Variants in ATP8A2 observed in about 807,000 individuals in gnomAD.
ATP8A2 encodes the protein phospholipid-transporting ATPase IB.
ATP8A2 carries 100 observed loss-of-function variants against 165.6 expected under a neutral mutation model. The observed-to-expected ratio is 0.60, with a 90% confidence interval of 0.51 to 0.71. The LOEUF is 0.71. ATP8A2 is among the 30% of genes least tolerant of loss of function. ATP8A2 has a pLI of 0.00. For synonymous variants in ATP8A2, 543 were observed against 548.8 expected (o/e 0.99, Z 0.15); for missense variants, 1,227 against 1,479.5 (o/e 0.83, Z 2.80).
Position 25,968,597 on chromosome 13 carries a change from A to G in ATP8A2, c.3295A>G (p.Thr1099Ala). The G allele has an allele frequency of 6.2e-7, 1 of 1,613,754 alleles. No homozygotes were observed. Among genetic ancestry groups the G allele is most frequent in the Non-Finnish European group, 8.5e-7 (1 of 1,179,954 alleles). ...CAGAGCCAAGCACACCTGCAAAAAG[A>G]CATTGCTGGAGGAGGTGCAGGAGCT... ...WRAAKHTCKK[T>A]LLEEVQELET... Residue 1099 changes from threonine (T) to alanine (A), a missense_variant, in exon 35 of 37, where the codon ACA becomes GCA. Thr to Ala is a moderately conservative substitution (Grantham distance 58). This residue lies in a region of ATP8A2 where 260 missense variants were observed against 245.1 expected (regional missense o/e 1.06). Coordinates refer to ENST00000381655, the MANE Select transcript of ATP8A2 (RefSeq NM_016529.6).
chr13:25,554,012 T>C, intron 12 of ATP8A2, 92 bp downstream of exon 12: 1 of 1,359,040 alleles, frequency 7.4e-7, no homozygotes, highest in Non-Finnish European at 1.0e-6. Flanking sequence ...AAGAACTATA[T>C]TCATTTACCA....
chr13:25,842,061 C>A (rs191774777), intron 30 of ATP8A2, among the ~76,000 whole-genome samples: 1 of 152,134 alleles, frequency 6.6e-6, no homozygotes, highest in African/African-American at 2.4e-5. Flanking sequence ...ATGAGCTTTG[C>A]GGGCTGCATT....
intron 35 of ATP8A2, among the ~76,000 whole-genome samples, chr13:25,990,261 T>TAAAAAAAAAAAA (rs3056351): frequency 9.2e-6 from 1 of 108,370 alleles, no homozygotes; most frequent in Non-Finnish European, 1.8e-5. Context: ...CATGTAACTG[T>TAAAAAAAAAAAA]AAAAAAAAAA....
chr13:25,998,298 G>C (rs372965433), intron 35 of ATP8A2, among the ~76,000 whole-genome samples: 174 of 152,292 alleles, frequency 1.1e-3, no homozygotes, highest in African/African-American at 4.0e-3. Context: ...GGCTGGCAGG[G>C]ATGAAAGTCA....
intron 24 of ATP8A2, among the ~76,000 whole-genome samples, chr13:25,608,144 G>A (rs2040566575): frequency 6.6e-6 from 1 of 152,174 alleles, no homozygotes; most frequent in Admixed American, 6.5e-5. Context: ...TATACAAGAA[G>A]CATGGCACCA....
chr13:25,604,925 A>G (rs1011812969), intron 24 of ATP8A2, among the ~76,000 whole-genome samples: 2 of 152,212 alleles, frequency 1.3e-5, no homozygotes, highest in Admixed American at 6.5e-5. Flanking sequence ...ACAGAGAGAG[A>G]CAGGCATGCA....
In ATP8A2 at chr13:25,772,587, T is replaced by A. The variant is rs932898318; in HGVS notation, c.2569-2262T>A. On this transcript the variant is annotated intron_variant, in intron 26 of 36. Transcript: ENST00000381655. The stretch of plus-strand genomic sequence containing the variant: ...CTTCCCCTCACCTCCTGGAAGAACA[T>A]GCTGAGCTGGGACTCCACCTAGGAT... Among the ~76,000 whole-genome samples the A allele has an allele frequency of 1.5e-4, 23 of 152,056 alleles. 1 individual carries two copies. The highest frequency in any genetic ancestry group is 2.6e-4 in the Non-Finnish European group (18 of 67,998).
intron 2 of ATP8A2, among the ~76,000 whole-genome samples, chr13:25,478,334 A>G (rs1208411411): frequency 6.6e-6 from 1 of 152,184 alleles, no homozygotes; most frequent in African/African-American, 2.4e-5. Context: ...AGAAAGTTGC[A>G]TCTAAGTGTT....
intron 25 of ATP8A2, among the ~76,000 whole-genome samples, chr13:25,715,927 A>C (rs1052405442): frequency 3.9e-5 from 6 of 151,908 alleles, no homozygotes; most frequent in Non-Finnish European, 7.4e-5. Flanking sequence ...CATACATTAC[A>C]CCCCATACAT....
chr13:25,583,169 A>G (rs2039822306), intron 23 of ATP8A2, among the ~76,000 whole-genome samples: 1 of 152,226 alleles, frequency 6.6e-6, no homozygotes, highest in Non-Finnish European at 1.5e-5. Flanking sequence ...ATTTTTACAA[A>G]TGAAGAATAA....
chr13:25,647,187 C>T (rs78527618), intron 24 of ATP8A2, among the ~76,000 whole-genome samples: 5,257 of 152,290 alleles, frequency 0.035, 158 homozygotes, highest in East Asian at 0.13. Context: ...CTGAATATAG[C>T]TCTGTATTAC....
At chr13:25,944,249 A>G (rs1282407855) in intron 33 of ATP8A2, among the ~76,000 whole-genome samples, 2 of 152,218 alleles carry the variant, frequency 1.3e-5, no homozygotes, top group Non-Finnish European at 2.9e-5. Context: ...GCTCACGCCC[A>G]TAATCCCAGC....
chr13:25,678,382 G>T lies in ATP8A2; in HGVS notation c.2212-20791G>T, dbSNP rs79684596. ...CAGCAGGTGGAGGATATGGCCGGGA[G>T]TATTGCTGAGTTTATAGGATTAAAA... On this transcript the variant is annotated intron_variant, in intron 24 of 36. Transcript: ENST00000381655. Among the ~76,000 whole-genome samples, 2,938 of 151,548 alleles carry T rather than the reference G, an allele frequency of 0.019. 201 individuals carry two copies. In the East Asian group the frequency reaches 0.24, roughly 12 times the overall value.
rs1437352719 is a variant in ATP8A2 at position 26,013,968 on chromosome 13, G to A, written c.3469+1346G>A. ...GGGAGGTGGGTAATGCCACCCCAAG[G>A]ACACAAAGCAGAGGCTCAGGTCAGA... On this transcript the variant is annotated intron_variant, in intron 36 of 36. Transcript: ENST00000381655. Among the ~76,000 whole-genome samples the A allele has an allele frequency of 1.1e-4, 16 of 152,184 alleles. 1 individual carries two copies. The highest frequency in any genetic ancestry group is 1.0e-3 in the Admixed American group (16 of 15,280).
rs546586655 is a variant in ATP8A2 at position 25,504,856 on chromosome 13, C to G, written c.222-25143C>G. On this transcript the variant is annotated intron_variant, in intron 2 of 36. Transcript: ENST00000381655. ...TGGTCCTCTTGCTAGTAAGTGCATG[C>G]CCCTAAACCAGGCTATTGTTCTCAT... 1.1e-3 allele frequency among the ~76,000 whole-genome samples: 169 copies of G among 152,012 alleles called. 2 individuals carry two copies. The highest frequency in any genetic ancestry group is 9.7e-3 in the South Asian group (47 of 4,822).
At chr13:25,830,115 C>T (rs1193937977) in intron 28 of ATP8A2, among the ~76,000 whole-genome samples, 2 of 151,192 alleles carry the variant, frequency 1.3e-5, no homozygotes, top group Non-Finnish European at 2.9e-5. Context: ...CTCAAGCAAT[C>T]CTCCCACCTC....
At chr13:25,884,766 G>A (rs1953090797) in intron 33 of ATP8A2, among the ~76,000 whole-genome samples, 1 of 152,202 alleles carries the variant, frequency 6.6e-6, no homozygotes, top group African/African-American at 2.4e-5. Context: ...GAGCACCTGG[G>A]TGAACAGAGT....
At chr13:25,935,747 A>C (rs562821420) in intron 33 of ATP8A2, among the ~76,000 whole-genome samples, 9 of 152,260 alleles carry the variant, frequency 5.9e-5, no homozygotes, top group Non-Finnish European at 1.2e-4. Context: ...CATGGTCCAA[A>C]CACCTCCCAT....
At chr13:25,432,929 G>A (rs2034656014) in intron 1 of ATP8A2, among the ~76,000 whole-genome samples, 1 of 152,246 alleles carries the variant, frequency 6.6e-6, no homozygotes, top group Admixed American at 6.5e-5. Context: ...AAGAGACACA[G>A]CCACACATGG....
Sources: gnomAD v4.1 joint callset for allele counts (sites outside exome capture counted in the v4.1 genomes callset) on GRCh38, gnomAD v4.1.1 for gene constraint, gnomAD v4.1.1 regional missense constraint, MANE v1.5 for transcripts, NCBI Gene and HGNC (gene_info 2026-07-23, HGNC 2026-07-21) for gene names.